Variants in DPPA4 observed in about 807,000 individuals in gnomAD.
The protein encoded by DPPA4 is developmental pluripotency-associated protein 4.
In DPPA4, 22 loss-of-function variants were observed where a neutral mutation model predicts 33.7. The ratio of observed to expected loss-of-function variants is 0.65; its 90% CI spans 0.47 to 0.93. The LOEUF is 0.93. DPPA4 is among the 40% of genes least tolerant of loss of function. DPPA4 has a pLI of 0.00. For missense variants in DPPA4, 340 were observed against 358.6 expected (o/e 0.95, Z 0.42); for synonymous variants, 156 against 132.3 (o/e 1.18, Z -1.23).
chr3:109,331,543 C>CAAAAAAAAAAAAAAAAA (rs62827961), intron 4 of DPPA4, among the ~76,000 whole-genome samples, 191 bp downstream of exon 4: 1 of 71,470 alleles, frequency 1.4e-5, no homozygotes, highest in African/African-American at 5.6e-5. Flanking sequence ...GACTCTGTCT[C>CAAAAAAAAAAAAAAAAA]AAAAAAAAAA....
chr3:109,327,869 C>T lies in DPPA4; in HGVS notation c.*119G>A. The T allele has an allele frequency of 1.3e-6, 1 of 742,938 alleles. No homozygotes were observed. The highest frequency in any genetic ancestry group is 2.3e-6 in the Non-Finnish European group (1 of 426,510). 46.0% of individuals were successfully genotyped at this position (742,938 alleles called of 1,614,324 possible). ...GGCTAACATCTGCCACCCCACCAGT[C>T]TGCATGGCCCATAAACAGGTGCAGA... On this transcript the variant is annotated 3_prime_UTR_variant, in exon 7 of 7. Coordinates refer to ENST00000335658, the MANE Select transcript of DPPA4 (RefSeq NM_018189.4).
chr3:109,332,928 C>A (rs1424494425), intron 2 of DPPA4, among the ~76,000 whole-genome samples: 1 of 152,028 alleles, frequency 6.6e-6, no homozygotes, highest in East Asian at 1.9e-4. Context: ...GCCGTCTCTA[C>A]TTAAAAAATT....
chr3:109,333,840 G>A (rs1708136826), intron 2 of DPPA4, 30 bp downstream of exon 2: 3 of 1,609,422 alleles, frequency 1.9e-6, no homozygotes, highest in South Asian at 2.2e-5. Context: ...ACCCGAGAAG[G>A]TGGGATTTGA....
chr3:109,329,328 G>A, intron 5 of DPPA4: 1 of 453,058 alleles, frequency 2.2e-6, no homozygotes, highest in Middle Eastern at 6.3e-4. Context: ...GAGGTCAGGA[G>A]ATCGAGACCA....
chr3:109,330,478 CTTA>C, intron 5 of DPPA4, 43 bp downstream of exon 5: 1 of 1,607,658 alleles, frequency 6.2e-7, no homozygotes, highest in Middle Eastern at 1.7e-4. Context: ...ATCTACTAAG[CTTA>C]TTTCCCCATT....
At chr3:109,331,338 T>C (rs1191390276) in intron 4 of DPPA4, among the ~76,000 whole-genome samples, 1 of 145,692 alleles carries the variant, frequency 6.9e-6, no homozygotes, top group Non-Finnish European at 1.5e-5. Context: ...AAAAGAAAAT[T>C]GCTGGCCAGG....
chr3:109,335,825 C>T (rs950211700), intron 1 of DPPA4, among the ~76,000 whole-genome samples: 4 of 151,946 alleles, frequency 2.6e-5, no homozygotes, highest in African/African-American at 9.7e-5. Context: ...AACATAAAGA[C>T]ACAGATTAGG....
chr3:109,334,097 G>T, intron 1 of DPPA4, 104 bp from the exon 2 acceptor site: 1 of 1,237,626 alleles, frequency 8.1e-7, no homozygotes, highest in Non-Finnish European at 1.1e-6. Context: ...GCAGTTACTG[G>T]ACTCCACTGG....
At position 109,329,078 on chromosome 3, in the gene DPPA4, C is replaced by A; in HGVS notation, c.690G>T (p.Trp230Cys). 1 of 1,614,064 alleles carries A rather than the reference C, an allele frequency of 6.2e-7. No homozygotes were observed. Among genetic ancestry groups the A allele is most frequent in the East Asian group, 2.2e-5 (1 of 44,874 alleles). ...GGAGACTTTTCCCATGGACCACACA[C>A]CACCTGACACCTGGCAATGGCAAAG... ...ESPQEASGVR[W>C]CVVHGKSLPA... Residue 230 changes from tryptophan (W) to cysteine (C), a missense_variant, in exon 6 of 7, where the codon TGG (tryptophan) becomes TGT (cysteine). By Grantham distance (215) the Trp-to-Cys change is radical. Around this residue, in one of 3 missense-constraint regions of DPPA4, gnomAD observed 212 missense variants for 206.5 expected, o/e 1.03. Coordinates refer to ENST00000335658, the MANE Select transcript of DPPA4 (RefSeq NM_018189.4).
Position 109,328,917 on chromosome 3 carries a change from T to C in DPPA4, c.851A>G (p.Asn284Ser), listed in dbSNP as rs1296668894. 6 of 1,613,888 alleles carry C rather than the reference T, an allele frequency of 3.7e-6. No homozygotes were observed. The highest frequency in any genetic ancestry group is 5.1e-6 in the Non-Finnish European group (6 of 1,179,954). Residue 284 changes from asparagine (N) to serine (S), a missense_variant, in exon 6 of 7, where the codon AAT (asparagine) becomes AGT (serine). Coordinates refer to ENST00000335658, the MANE Select transcript of DPPA4 (RefSeq NM_018189.4). ...GTGAACACATTTGGGGCACAACATA[T>C]TGTCTTCAAGGTGCGGGGGTGGAAA... ...SNFPPPHLED[N>S]MLCPKCVHRN...
At chr3:109,330,341 A>G in intron 5 of DPPA4, 183 bp downstream of exon 5, 1 of 557,826 alleles carries the variant, frequency 1.8e-6, no homozygotes, top group South Asian at 2.1e-5. Flanking sequence ...AGGAAAAAAA[A>G]AAAAGAAATG....
At position 109,330,802 on chromosome 3, in the gene DPPA4, C is replaced by T. The variant is rs368712569; in HGVS notation, c.401G>A (p.Ser134Asn). 1.4e-5 allele frequency: 22 copies of T among 1,599,022 alleles called. No homozygotes were observed. Among genetic ancestry groups the T allele is most frequent in the Non-Finnish European group, 1.8e-5 (21 of 1,175,000 alleles). Residue 134 changes from serine to asparagine, a missense_variant, in exon 5 of 7, where the codon AGC becomes AAC. This residue lies in a region of DPPA4 where 212 missense variants were observed against 206.5 expected (regional missense o/e 1.03). Coordinates refer to ENST00000335658, the MANE Select transcript of DPPA4 (RefSeq NM_018189.4). ...FAYPNQKDFP[S>N]TAKEAKIRKS... ...CCGGATTTTGGCCTCTTTTGCTGTGCTAGGAAAATCCTACAAAAAGGGTTA... is the reference window on the plus strand; with the variant it reads ...CCGGATTTTGGCCTCTTTTGCTGTGTTAGGAAAATCCTACAAAAAGGGTTA...
chr3:109,326,814 C>CA lies in DPPA4; in HGVS notation c.*1173dup, dbSNP rs1312134739. 1 of 152,090 alleles carries CA rather than the reference C, an allele frequency of 6.6e-6. No individual in the cohort carries two copies. 9.4% of individuals were successfully genotyped at this position (152,090 alleles called of 1,614,324 possible). On this transcript the variant is annotated 3_prime_UTR_variant, in exon 7 of 7. Transcript: ENST00000335658. The stretch of plus-strand genomic sequence containing the variant: ...AAACAAATGATCCAACCCATACCAC[C>CA]AACTAATAAAGAACAAACGAGTCAT...
intron 1 of DPPA4, among the ~76,000 whole-genome samples, chr3:109,335,425 G>C (rs915456165): frequency 2.6e-5 from 4 of 152,014 alleles, no homozygotes; most frequent in African/African-American, 9.7e-5. Context: ...TGCGCCCAAG[G>C]GTTCCCTATT....
At chr3:109,338,701 T>A (rs542727192), upstream of DPPA4, among the ~76,000 whole-genome samples, 1 of 152,310 alleles carries the variant, frequency 6.6e-6, no homozygotes, top group African/African-American at 2.4e-5. Context: ...GGTTGTGGAC[T>A]GGGCAACCCC....
intron 1 of DPPA4, among the ~76,000 whole-genome samples, chr3:109,334,597 T>C (rs772331998): frequency 1.2e-4 from 18 of 152,262 alleles, no homozygotes; most frequent in Non-Finnish European, 2.4e-4. Context: ...GGCAGAATTT[T>C]TTCCCCCAGT....
rs1362164261 is a variant in DPPA4, at chr3:109,331,672, CTT to C, written c.390+60_390+61del. 8.5e-6 allele frequency: 13 copies of C among 1,528,224 alleles called. No individual in the cohort carries two copies. In the East Asian group the frequency reaches 2.9e-4, roughly 34 times the overall value. 94.7% of individuals were successfully genotyped at this position (1,528,224 alleles called of 1,614,324 possible). ...GAGGCTAAGACAGTTCCTTTACTCA[CTT>C]TTGAGGCTACAATAGGTAATTAGGA... is the stretch of plus-strand genomic sequence containing the variant. On this transcript the variant is annotated intron_variant, in intron 4 of 6. Coordinates refer to ENST00000335658, the MANE Select transcript of DPPA4 (RefSeq NM_018189.4).
At chr3:109,336,984 C>T (rs369619463) in intron 1 of DPPA4, among the ~76,000 whole-genome samples, 30 of 152,222 alleles carry the variant, frequency 2.0e-4, no homozygotes, top group African/African-American at 6.7e-4. Context: ...CACCGCAACC[C>T]CCGACTCCCG....
rs1707975047 is a variant in DPPA4 at position 109,328,008 on chromosome 3, T to G, written c.895A>C (p.Lys299Gln). 1.9e-6 allele frequency: 3 copies of G among 1,541,276 alleles called. No homozygotes were observed. The East Asian group carries it at 6.7e-5, about 35-fold the overall frequency. The change falls in exon 7 of 7, where the codon AAA (lysine) becomes CAA (glutamine). Residue 299 changes from lysine (K) to glutamine (Q), a missense_variant. Transcript: ENST00000335658. ...ATATTCTATTCCCATTGGAGGCTTT[T>G]TATTAAGACCTTGTTCCTATAAAGC... ...KCVHRNKVLI[K>Q]SLQWE
Sources: gnomAD v4.1 joint callset for allele counts (sites outside exome capture counted in the v4.1 genomes callset) on GRCh38, gnomAD v4.1.1 for gene constraint, gnomAD v4.1.1 regional missense constraint, MANE v1.5 for transcripts, NCBI Gene and HGNC (gene_info 2026-07-23, HGNC 2026-07-21) for gene names.